TFIP11: variants seen among roughly 807,000 people sequenced by gnomAD.
The protein encoded by TFIP11 is tuftelin interacting protein 11.
A neutral mutation model predicts 96.8 loss-of-function variants in TFIP11; 86 were observed. That is an observed-to-expected ratio of 0.89 (90% CI 0.75 to 1.06). TFIP11 has a LOEUF of 1.06. Ranked by LOEUF, TFIP11 falls within the 50% of genes least tolerant of loss-of-function variation. TFIP11 has a pLI of 0.00. For synonymous variants in TFIP11, 405 were observed against 395.2 expected (o/e 1.02, Z -0.29); for missense variants, 881 against 1,076.7 (o/e 0.82, Z 2.54).
At chr22:26,501,627 G>C (rs1283601960) in intron 8 of TFIP11, among the ~76,000 whole-genome samples, 7 of 151,190 alleles carry the variant, frequency 4.6e-5, no homozygotes, top group African/African-American at 1.7e-4. Flanking sequence ...ACATCATTTG[G>C]TTTACCAGTG....
Position 26,503,684 on chromosome 22 carries a change from T to G in TFIP11, c.630A>C (p.Ser210=), listed in dbSNP as rs1315934844. Residue 210 remains serine (S), a synonymous_variant, in exon 7 of 15, where the codon TCA becomes TCC. Coordinates refer to ENST00000407690, the MANE Select transcript of TFIP11 (RefSeq NM_012143.4). ...CAGTTACCTCTTCAGCTTCTTCCTC[T>G]GAGTCAACCACAGGGAAGTCTTGCA... The part of the protein sequence containing the change: ...QSMQDFPVVD[S]EEEAEEEFQK... 3.7e-6 allele frequency: 6 copies of G among 1,614,158 alleles called. No homozygotes were observed. The South Asian group carries it at 6.6e-5, about 18-fold the overall frequency.
chr22:26,497,756 G>A (rs1189265214), intron 10 of TFIP11, among the ~76,000 whole-genome samples: 1 of 151,520 alleles, frequency 6.6e-6, no homozygotes, highest in Admixed American at 6.6e-5. Flanking sequence ...AGCGCCTGTA[G>A]TCCCAGCTAC....
Position 26,494,803 on chromosome 22 carries a change from C to T in TFIP11, c.1986G>A (p.Trp662Ter). Residue 662 changes from tryptophan (W) to a stop codon, truncating the protein, a stop_gained, in exon 13 of 15, where the codon TGG becomes TGA. Coordinates refer to ENST00000407690, the MANE Select transcript of TFIP11 (RefSeq NM_012143.4). LOFTEE classifies it high-confidence loss of function. ...GLLEKHFFPK[W>*]LQVLCSWLSN... The stretch of plus-strand genomic sequence containing the variant: ...CAAGCAAAACAAAGTGTACCTGAAG[C>T]CACTTGGGGAAGAAGTGCTTTTCAA... 6.2e-7 allele frequency: 1 copy of T among 1,614,174 alleles called. No individual in the cohort carries two copies.
chr22:26,496,062 C>G lies in TFIP11; in HGVS notation c.1849+11G>C. The G allele has an allele frequency of 1.2e-6, 2 of 1,612,636 alleles. No individual in the cohort carries two copies. The highest frequency in any genetic ancestry group is 8.5e-7 in the Non-Finnish European group (1 of 1,179,454). Reference sequence around the variant, plus strand: ...CTGCTGGGCTTGGAATGCATTTCCCCTTATCCTTACCCAGCTTGGGCACTA... The same window carrying G: ...CTGCTGGGCTTGGAATGCATTTCCCGTTATCCTTACCCAGCTTGGGCACTA... On this transcript the variant is annotated intron_variant, in intron 12 of 14. Transcript: ENST00000407690.
Position 26,496,889 on chromosome 22 carries a change from C to T in TFIP11, c.1437G>A (p.Arg479=), listed in dbSNP as rs1474027194. 3.1e-6 allele frequency: 5 copies of T among 1,613,816 alleles called. No individual in the cohort carries two copies. The highest frequency in any genetic ancestry group is 4.2e-6 in the Non-Finnish European group (5 of 1,179,998). ...AAGGCATCCAGACTTCCCATATCAACCTATGGGAGAAAGGCAGAGGACAGG... is the reference window on the plus strand; with the variant it reads ...AAGGCATCCAGACTTCCCATATCAATCTATGGGAGAAAGGCAGAGGACAGG... The part of the protein sequence containing the change: ...GQDLSADAFH[R]LIWEVWMPFV... Residue 479 remains arginine (R), a splice_region_variant and synonymous_variant, in exon 11 of 15, where the codon AGG becomes AGA. Coordinates refer to ENST00000407690, the MANE Select transcript of TFIP11 (RefSeq NM_012143.4).
intron 6 of TFIP11, among the ~76,000 whole-genome samples, chr22:26,504,669 CA>C (rs200445534): frequency 3.5e-4 from 53 of 151,710 alleles, no homozygotes; most frequent in African/African-American, 1.2e-3. Flanking sequence ...GACTTTGTAT[CA>C]AAAAAAAGCA....
chr22:26,511,771 T>C (rs749543736), intron 2 of TFIP11: 1 of 152,226 alleles, frequency 6.6e-6, no homozygotes, highest in Admixed American at 6.5e-5. Context: ...ACGTTATCTC[T>C]GCCTTCTTCT....
chr22:26,502,813 A>T (rs1433260353), intron 7 of TFIP11, among the ~76,000 whole-genome samples: 1 of 152,186 alleles, frequency 6.6e-6, no homozygotes, highest in African/African-American at 2.4e-5. Flanking sequence ...TACCTTCTAG[A>T]CAGACTACAG....
In TFIP11 at chr22:26,491,353, A is replaced by AT; in HGVS notation, c.*659dup. ...TTTAAATCAAAATACCCTATTTGTT[A>AT]TTTTTTTAAAAAGTAAAGTGGGGAT... On this transcript the variant is annotated 3_prime_UTR_variant, in exon 15 of 15. Transcript: ENST00000407690. 2.1e-6 allele frequency: 2 copies of AT among 945,570 alleles called. No individual in the cohort carries two copies. The highest frequency in any genetic ancestry group is 3.2e-6 in the Non-Finnish European group (2 of 620,286). The allele number at this position is 945,570 out of a possible 1,614,324, so 58.6% of individuals were successfully genotyped here. A position where few individuals can be genotyped will look rare whatever the true frequency, so the allele number is the denominator to read the frequency against.
Position 26,499,243 on chromosome 22 carries a change from A to G in TFIP11, c.1190T>C (p.Leu397Pro). Reference sequence around the variant, plus strand: ...TTCGAAGATGCGGGCACACTCGTCCAGGGTGAGGGGGTTGCTGCAGTCGGG... The same window carrying G: ...TTCGAAGATGCGGGCACACTCGTCCGGGGTGAGGGGGTTGCTGCAGTCGGG... Reference protein sequence around the residue: ...MQPDCSNPLTLDECARIFETL... With the variant: ...MQPDCSNPLTPDECARIFETL... The change falls in exon 9 of 15, where the codon CTG (leucine) becomes CCG (proline). Residue 397 changes from leucine to proline, a missense_variant. Leu to Pro is a moderately conservative substitution (Grantham distance 98). Transcript: ENST00000407690. The G allele has an allele frequency of 1.2e-6, 2 of 1,614,006 alleles. No homozygotes were observed. Among genetic ancestry groups the G allele is most frequent in the Non-Finnish European group, 1.7e-6 (2 of 1,179,942 alleles).
At chr22:26,511,307 C>G (rs545908967) in intron 2 of TFIP11, 1 of 149,214 alleles carries the variant, frequency 6.7e-6, no homozygotes, top group Non-Finnish European at 1.5e-5. Flanking sequence ...ATATTCTTGC[C>G]GTGCTGGCAG....
At chr22:26,510,879 C>G (rs1923973683) in intron 2 of TFIP11, among the ~76,000 whole-genome samples, 177 bp from the exon 3 acceptor site, 1 of 152,318 alleles carries the variant, frequency 6.6e-6, no homozygotes, top group African/African-American at 2.4e-5. Flanking sequence ...ATCTACCTCA[C>G]AGTAGCTGGG....
At chr22:26,505,757 G>A (rs1923330730) in intron 6 of TFIP11, among the ~76,000 whole-genome samples, 1 of 60,826 alleles carries the variant, frequency 1.6e-5, no homozygotes, top group African/African-American at 5.4e-5. Flanking sequence ...GTCTCGCTCT[G>A]TTGCCCAGGC....
rs199753073 is a variant in TFIP11, at chr22:26,510,235, C to T, written c.38G>A (p.Arg13His). ...CCGCTCGTCATCATCATCATCAATG[C>T]GGCCTTCCCCATCCCGGTATAAGTG... is the stretch of plus-strand genomic sequence containing the variant. The part of the protein sequence containing the change: ...LSHLYRDGEG[R>H]IDDDDDEREN... Residue 13 changes from arginine to histidine, a missense_variant, in exon 4 of 15, where the codon CGC becomes CAC. Physicochemically the swap from Arg to His is conservative, Grantham distance 29. Transcript: ENST00000407690. 236 of 1,614,114 alleles carry T rather than the reference C, an allele frequency of 1.5e-4. No homozygotes were observed. Among genetic ancestry groups the T allele is most frequent in the Middle Eastern group, 8.2e-4 (5 of 6,062 alleles).
At chr22:26,498,586 A>G (rs1288799644) in intron 10 of TFIP11, 2 of 293,850 alleles carry the variant, frequency 6.8e-6, no homozygotes, top group East Asian at 1.3e-4. Flanking sequence ...TTCAATGTAT[A>G]CTTCTCAGGA....
At chr22:26,495,116 C>T (rs1049943922) in intron 12 of TFIP11, among the ~76,000 whole-genome samples, 177 bp from the exon 13 acceptor site, 3 of 152,024 alleles carry the variant, frequency 2.0e-5, no homozygotes, top group South Asian at 2.1e-4. Flanking sequence ...TGTGCACCAC[C>T]GTGGCCAACT....
chr22:26,506,362 T>C lies in TFIP11; in HGVS notation c.461A>G (p.Gln154Arg). Residue 154 changes from glutamine to arginine, a missense_variant, in exon 6 of 15, where the codon CAG becomes CGG. Coordinates refer to ENST00000407690, the MANE Select transcript of TFIP11 (RefSeq NM_012143.4). ...GTAGCCCATCTTCTGAAGAAGCTTC[T>C]GTCCAATTCCTTTTGTGTGTCTTTC... The part of the protein sequence containing the change: ...SWERHTKGIG[Q>R]KLLQKMGYVP... 1.2e-6 allele frequency: 2 copies of C among 1,613,970 alleles called. No individual in the cohort carries two copies. The highest frequency in any genetic ancestry group is 1.3e-5 in the African/African-American group (1 of 75,054).
chr22:26,510,547 A>G (rs1923932160), intron 3 of TFIP11, 70 bp downstream of exon 3: 1 of 420,484 alleles, frequency 2.4e-6, no homozygotes. Context: ...AATATCATAA[A>G]TATCACACAT....
intron 3 of TFIP11, 98 bp downstream of exon 3, chr22:26,510,519 T>C (rs1923925773): frequency 2.0e-6 from 1 of 511,014 alleles, no homozygotes; most frequent in East Asian, 3.4e-5. Context: ...TAAAAGTACA[T>C]ATCTCCTTGT....
Sources: allele counts gnomAD v4.1 joint callset (sites outside exome capture counted in the v4.1 genomes callset), GRCh38; gene constraint gnomAD v4.1.1; transcripts MANE v1.5; gene names NCBI Gene and HGNC (gene_info 2026-07-23, HGNC 2026-07-21).